The following RBM20 variants were observed in gnomAD, a reference collection of about 807,000 sequenced individuals.
RBM20 encodes the protein RNA binding motif protein 20, also known as RNA-binding protein 20.
A neutral mutation model predicts 110.1 loss-of-function variants in RBM20; 51 were observed. That is an observed-to-expected ratio of 0.46 (90% CI 0.37 to 0.59). The LOEUF is 0.59. Ranked by LOEUF, RBM20 falls within the 20% of genes least tolerant of loss-of-function variation. The pLI, the probability that RBM20 is intolerant of heterozygous loss-of-function variation, is 0.00. For missense variants in RBM20, 1,512 were observed against 1,574.9 expected, an observed-to-expected ratio of 0.96 and a Z score of 0.68; for synonymous variants, 589 against 618.2, an observed-to-expected ratio of 0.95 and a Z score of 0.70.
intron 9 of RBM20, among the ~76,000 whole-genome samples, chr10:110,818,460 C>G (rs1844869523): frequency 8.4e-6 from 1 of 119,106 alleles, no homozygotes; most frequent in South Asian, 3.2e-4. Flanking sequence ...CCTGTGGTGG[C>G]AGAGCCCTGC....
At chr10:110,825,974 C>G (rs147385923) in intron 12 of RBM20, among the ~76,000 whole-genome samples, 1 of 152,312 alleles carries the variant, frequency 6.6e-6, no homozygotes, top group East Asian at 1.9e-4. Flanking sequence ...AGCTTCTGTT[C>G]TCTGCTGCCT....
intron 1 of RBM20, among the ~76,000 whole-genome samples, chr10:110,759,347 CA>C (rs1441075258): frequency 6.6e-6 from 1 of 152,094 alleles, no homozygotes; most frequent in Non-Finnish European, 1.5e-5. Context: ...TCCTCCATTG[CA>C]AAGATAGAGT....
intron 1 of RBM20, among the ~76,000 whole-genome samples, chr10:110,778,145 C>G (rs568032282): frequency 1.3e-5 from 2 of 152,318 alleles, no homozygotes; most frequent in East Asian, 3.9e-4. Flanking sequence ...CAGCCCGGCT[C>G]CCCAAAGGAG....
upstream of RBM20, among the ~76,000 whole-genome samples, chr10:110,643,333 G>A (rs1417228895): frequency 6.6e-6 from 1 of 152,224 alleles, no homozygotes; most frequent in African/African-American, 2.4e-5. Flanking sequence ...TTCTGTGTCA[G>A]GTGCCTCGCA....
At chr10:110,762,113 T>G (rs1206719345) in intron 1 of RBM20, among the ~76,000 whole-genome samples, 1 of 152,216 alleles carries the variant, frequency 6.6e-6, no homozygotes, top group Non-Finnish European at 1.5e-5. Context: ...CAACAAACAT[T>G]GTTTCAAATA....
intron 1 of RBM20, among the ~76,000 whole-genome samples, chr10:110,683,923 A>T (rs72834047): frequency 6.6e-6 from 1 of 152,176 alleles, no homozygotes; most frequent in Admixed American, 6.5e-5. Context: ...AGATAATGGA[A>T]GAAAAAGAAA....
rs1368901827 is a variant in RBM20 at position 110,799,864 on chromosome 10, T to A, written c.1746T>A (p.Asn582Lys). The change falls in exon 7 of 14, where the codon AAT becomes AAA. Residue 582 changes from asparagine to lysine, a missense_variant. Asn to Lys is a moderately conservative substitution (Grantham distance 94). Transcript: ENST00000369519. ...QYYQEKSAVI[N>K]GEKLLIRMSK... Reference sequence around the variant, plus strand: ...ATCAAGAAAAATCTGCTGTGATCAATGGTGAGAAGTTGCTCATTCGGATGT... The same window carrying A: ...ATCAAGAAAAATCTGCTGTGATCAAAGGTGAGAAGTTGCTCATTCGGATGT... 1 of 1,552,102 alleles carries A rather than the reference T, an allele frequency of 6.4e-7. No homozygotes were observed. Among genetic ancestry groups the A allele is most frequent in the African/African-American group, 1.4e-5 (1 of 73,190 alleles).
chr10:110,742,724 T>C (rs1843736817), intron 1 of RBM20, among the ~76,000 whole-genome samples: 1 of 152,154 alleles, frequency 6.6e-6, no homozygotes, highest in African/African-American at 2.4e-5. Context: ...AGGCAGCTGG[T>C]CTATATTTTA....
chr10:110,677,373 C>T (rs928020846), intron 1 of RBM20, among the ~76,000 whole-genome samples: 8 of 151,798 alleles, frequency 5.3e-5, no homozygotes, highest in African/African-American at 1.9e-4. Flanking sequence ...GGCTGGAGTA[C>T]AGTGGCTCCA....
At chr10:110,701,898 G>C (rs985287039) in intron 1 of RBM20, among the ~76,000 whole-genome samples, 1 of 152,198 alleles carries the variant, frequency 6.6e-6, no homozygotes, top group Non-Finnish European at 1.5e-5. Context: ...GAGAGCTAAC[G>C]GGGGATTATC....
chr10:110,748,015 T>C (rs1843804725), intron 1 of RBM20, among the ~76,000 whole-genome samples: 1 of 152,238 alleles, frequency 6.6e-6, no homozygotes, highest in Non-Finnish European at 1.5e-5. Flanking sequence ...TACTGTCTTG[T>C]TCTATTAAAA....
chr10:110,688,478 C>A (rs993278255), intron 1 of RBM20, among the ~76,000 whole-genome samples: 2 of 152,156 alleles, frequency 1.3e-5, no homozygotes, highest in African/African-American at 2.4e-5. Context: ...CGGATTCATA[C>A]CACAACATAA....
chr10:110,823,474 T>G lies in RBM20; in HGVS notation c.3317-6T>G. On this transcript the variant is annotated splice_region_variant and splice_polypyrimidine_tract_variant and intron_variant, in intron 11 of 13. Coordinates refer to ENST00000369519, the MANE Select transcript of RBM20 (RefSeq NM_001134363.3). ...TTTTTTTTTTGCCTTGGTTCATGTT[T>G]TGCAGAAAACTCCAGGTACGTGGAA... 1 of 1,260,858 alleles carries G rather than the reference T, an allele frequency of 7.9e-7. No individual in the cohort carries two copies. The highest frequency in any genetic ancestry group is 1.1e-6 in the Non-Finnish European group (1 of 936,466). The allele number at this position is 1,260,858 out of a possible 1,614,324, so 78.1% of individuals were successfully genotyped here.
intron 13 of RBM20, among the ~76,000 whole-genome samples, chr10:110,832,837 A>G (rs1269674029): frequency 6.6e-6 from 1 of 152,198 alleles, no homozygotes; most frequent in Non-Finnish European, 1.5e-5. Flanking sequence ...TCTGTGACTG[A>G]GGCAGCCACA....
intron 1 of RBM20, among the ~76,000 whole-genome samples, chr10:110,767,452 C>A (rs1278814062): frequency 6.8e-6 from 1 of 147,186 alleles, no homozygotes; most frequent in East Asian, 2.1e-4. Flanking sequence ...ACTTCCCAGA[C>A]GGGGTGGCTG....
Position 110,781,852 on chromosome 10 carries a change from A to G in RBM20, c.1243A>G (p.Ser415Gly). 2 of 1,551,728 alleles carry G rather than the reference A, an allele frequency of 1.3e-6. No homozygotes were observed. The change falls in exon 2 of 14, where the codon AGC (serine) becomes GGC (glycine). Residue 415 changes from serine (S) to glycine (G), a missense_variant. This residue lies in a region of RBM20 where 1,149 missense variants were observed against 1,169.4 expected (regional missense o/e 0.98). Transcript: ENST00000369519. ...CCCCCTCCACTTGCCGCATATCTGTAGCATCTGTGACAAGAAGGTGTTTGA... is the reference window on the plus strand; with the variant it reads ...CCCCCTCCACTTGCCGCATATCTGTGGCATCTGTGACAAGAAGGTGTTTGA... ...VAPLHLPHIC[S>G]ICDKKVFDLK...
At chr10:110,661,954 T>C (rs1862110132) in intron 1 of RBM20, among the ~76,000 whole-genome samples, 1 of 150,110 alleles carries the variant, frequency 6.7e-6, no homozygotes, top group Admixed American at 6.7e-5. Flanking sequence ...GAAGCTGCAG[T>C]GAGCTGAGAT....
At chr10:110,803,734 C>T (rs563851785) in intron 7 of RBM20, among the ~76,000 whole-genome samples, 18 of 143,802 alleles carry the variant, frequency 1.3e-4, no homozygotes, top group South Asian at 8.7e-4. Flanking sequence ...GCTTTATGGT[C>T]CCTATGTTGA....
chr10:110,757,865 C>T (rs1843940806), intron 1 of RBM20, among the ~76,000 whole-genome samples: 1 of 152,052 alleles, frequency 6.6e-6, no homozygotes, highest in Non-Finnish European at 1.5e-5. Context: ...AGCTGCATCT[C>T]TTTTGGGTGG....
Sources: gnomAD v4.1 joint callset for allele counts (sites outside exome capture counted in the v4.1 genomes callset) on GRCh38, gnomAD v4.1.1 for gene constraint, gnomAD v4.1.1 regional missense constraint, MANE v1.5 for transcripts, NCBI Gene and HGNC (gene_info 2026-07-23, HGNC 2026-07-21) for gene names.